CDC34: variants seen among roughly 807,000 people sequenced by gnomAD.
CDC34 encodes the protein ubiquitin-conjugating enzyme E2 R1.
A neutral mutation model predicts 26.8 loss-of-function variants in CDC34; 18 were observed. The observed-to-expected ratio is 0.67, with a 90% confidence interval of 0.47 to 1.00. The LOEUF is 1.00. Ranked by LOEUF, CDC34 falls within the 50% of genes least tolerant of loss-of-function variation. The pLI, the probability that CDC34 is intolerant of heterozygous loss-of-function variation, is 0.00. For synonymous variants in CDC34, 178 were observed against 147.5 expected (o/e 1.21, Z -1.50); for missense variants, 280 against 334.5 (o/e 0.84, Z 1.27).
rs892526789 is a variant in CDC34 at position 541,593 on chromosome 19, C to A, written c.*41C>A. The A allele has an allele frequency of 6.6e-7, 1 of 1,521,060 alleles. No homozygotes were observed. Among genetic ancestry groups the A allele is most frequent in the South Asian group, 1.3e-5 (1 of 77,084 alleles). 94.2% of individuals were successfully genotyped at this position (1,521,060 alleles called of 1,614,324 possible). ...CTTGCCGAGTTTACCTCACTAGGGC[C>A]GGACCCGTGGCTCCTTAGACGACAG... is the stretch of plus-strand genomic sequence containing the variant. On this transcript the variant is annotated 3_prime_UTR_variant, in exon 5 of 5. Transcript: ENST00000215574.
chr19:532,679 C>A (rs1194718209), intron 1 of CDC34, among the ~76,000 whole-genome samples: 1 of 152,254 alleles, frequency 6.6e-6, no homozygotes, highest in Non-Finnish European at 1.5e-5. Flanking sequence ...CAACAAAGGC[C>A]CGGATGAGCC....
chr19:540,086 AGGTTTAGAAT>A lies in CDC34; in HGVS notation c.498-1252_498-1243del, dbSNP rs1568332128. On this transcript the variant is annotated intron_variant, in intron 4 of 4. Transcript: ENST00000215574. Reference sequence around the variant, plus strand: ...GGAGGCCGGGGTGGCCAGGCCCCCCAGGTTTAGAATCCGGAGGCCGGGGTGGCCAGGCCCC... The same window carrying A: ...GGAGGCCGGGGTGGCCAGGCCCCCCACCGGAGGCCGGGGTGGCCAGGCCCC... 4.9e-3 allele frequency among the ~76,000 whole-genome samples: 384 copies of A among 78,732 alleles called. 1 individual carries two copies. The highest frequency in any genetic ancestry group is 0.012 in the South Asian group (17 of 1,398). 51.7% of individuals were successfully genotyped at this position (78,732 alleles called of 152,430 possible).
At position 541,399 on chromosome 19, in the gene CDC34, G is replaced by A. The variant is rs200901382; in HGVS notation, c.558G>A (p.Thr186=). ...GTGACGGCGTGAAGGTGCCCACCAC[G>A]CTGGCCGAGTACTGCGTGAAGACCA... ...AERDGVKVPT[T]LAEYCVKTKA... Residue 186 remains threonine (T), a synonymous_variant, in exon 5 of 5, where the codon ACG becomes ACA. Transcript: ENST00000215574. The A allele has an allele frequency of 1.6e-5, 25 of 1,611,238 alleles. No individual in the cohort carries two copies. The highest frequency in any genetic ancestry group is 8.9e-5 in the East Asian group (4 of 44,810).
chr19:532,122 C>T lies in CDC34; in HGVS notation c.177+14C>T, dbSNP rs764201386. On this transcript the variant is annotated intron_variant, in intron 1 of 4. Coordinates refer to ENST00000215574, the MANE Select transcript of CDC34 (RefSeq NM_004359.2). ...GGCTACTTCAAGGTGAGCGCGGCGA[C>T]CCCCGCCCGGGTCCCGGAGCCCACG... The T allele has an allele frequency of 7.4e-6, 11 of 1,485,628 alleles. No individual in the cohort carries two copies. The highest frequency in any genetic ancestry group is 6.9e-5 in the South Asian group (5 of 72,360). 92.0% of individuals were successfully genotyped at this position (1,485,628 alleles called of 1,614,324 possible).
chr19:538,508 C>G (rs1979864452), intron 4 of CDC34, among the ~76,000 whole-genome samples: 1 of 149,334 alleles, frequency 6.7e-6, no homozygotes, highest in Non-Finnish European at 1.5e-5. Flanking sequence ...TCCTGCTCTT[C>G]CTGTTACATA....
At chr19:539,365 C>T (rs1057435833) in intron 4 of CDC34, among the ~76,000 whole-genome samples, 1 of 151,414 alleles carries the variant, frequency 6.6e-6, no homozygotes, top group Non-Finnish European at 1.5e-5. Context: ...AGCCCGTCCA[C>T]CCTGGCCCTC....
At chr19:534,924 T>C (rs1979670580) in intron 1 of CDC34, among the ~76,000 whole-genome samples, 1 of 151,742 alleles carries the variant, frequency 6.6e-6, no homozygotes, top group Admixed American at 6.6e-5. Flanking sequence ...CTGTCCAGGC[T>C]TCCACCACGA....
chr19:541,090 G>A, intron 4 of CDC34: 1 of 465,804 alleles, frequency 2.1e-6, no homozygotes, highest in East Asian at 3.5e-5. Flanking sequence ...TCGGGGCGGG[G>A]CAGGCGGGTG....
At chr19:535,412 A>G (rs1187284494) in intron 1 of CDC34, among the ~76,000 whole-genome samples, 1 of 152,214 alleles carries the variant, frequency 6.6e-6, no homozygotes, top group Non-Finnish European at 1.5e-5. Context: ...AAGGCCCTGG[A>G]GGTGCAGCCC....
chr19:533,356 C>T (rs531327735), intron 1 of CDC34, among the ~76,000 whole-genome samples: 4 of 152,350 alleles, frequency 2.6e-5, no homozygotes, highest in South Asian at 4.1e-4. Context: ...CGATATGTGT[C>T]TGCTCTCCGA....
At chr19:536,534 A>G (rs1462224140) in intron 3 of CDC34, 194 bp downstream of exon 3, 1 of 597,052 alleles carries the variant, frequency 1.7e-6, no homozygotes, top group African/African-American at 1.9e-5. Context: ...GGCCTGCGGC[A>G]CCGTGTGTCG....
chr19:532,023 C>T lies in CDC34; in HGVS notation c.92C>T (p.Thr31Ile). Residue 31 changes from threonine (T) to isoleucine (I), a missense_variant, in exon 1 of 5, where the codon ACA becomes ATA. Physicochemically the swap from Thr to Ile is moderately conservative, Grantham distance 89. Transcript: ENST00000215574. ...QEEPVEGFRVTLVDEGDLYNW... is the reference protein window; with the variant it reads ...QEEPVEGFRVILVDEGDLYNW... ...GAGCCGGTCGAGGGATTCCGCGTGA[C>T]ACTGGTGGACGAGGGCGATCTATAC... The T allele has an allele frequency of 6.6e-7, 1 of 1,515,938 alleles. No individual in the cohort carries two copies. Among genetic ancestry groups the T allele is most frequent in the Non-Finnish European group, 8.8e-7 (1 of 1,140,944 alleles). The allele number at this position is 1,515,938 out of a possible 1,614,324, so 93.9% of individuals were successfully genotyped here.
chr19:538,535 ATT>A (rs34635182), intron 4 of CDC34: 4,387 of 167,888 alleles, frequency 0.026, 125 homozygotes, highest in African/African-American at 0.076. Context: ...CTTCCTATCC[ATT>A]TTTTTTTTTT....
At chr19:537,816 G>A (rs1242780546) in intron 4 of CDC34, among the ~76,000 whole-genome samples, 3 of 151,180 alleles carry the variant, frequency 2.0e-5, no homozygotes, top group South Asian at 2.1e-4. Flanking sequence ...CTACCACGCC[G>A]AGCTAATTTT....
At chr19:536,721 C>T (rs934513263) in intron 3 of CDC34, 13 of 539,356 alleles carry the variant, frequency 2.4e-5, no homozygotes, top group South Asian at 6.4e-5. Context: ...CCGTGTTGCC[C>T]GTGTGTCCTG....
intron 1 of CDC34, among the ~76,000 whole-genome samples, chr19:534,558 C>T (rs1383294373): frequency 7.5e-6 from 1 of 133,952 alleles, no homozygotes; most frequent in Non-Finnish European, 1.6e-5. Context: ...CGAGTACCCT[C>T]CCTGTCAAGG....
chr19:535,845 C>T lies in CDC34; in HGVS notation c.186C>T (p.Leu62=), dbSNP rs1979712399. The change falls in exon 2 of 5, where the codon CTC becomes CTT. Residue 62 remains leucine (L), a synonymous_variant. Coordinates refer to ENST00000215574, the MANE Select transcript of CDC34 (RefSeq NM_004359.2). ...YYEGGYFKAR[L]KFPIDYPYSP... ...GCCTTCTGCCCCTGCAGGCGCGCCT[C>T]AAGTTCCCCATCGACTACCCATACT... is the stretch of plus-strand genomic sequence containing the variant. 6.2e-7 allele frequency: 1 copy of T among 1,613,722 alleles called. No homozygotes were observed. Among genetic ancestry groups the T allele is most frequent in the Non-Finnish European group, 8.5e-7 (1 of 1,179,914 alleles).
At chr19:533,499 AAC>A (rs1329555120) in intron 1 of CDC34, among the ~76,000 whole-genome samples, 1 of 152,198 alleles carries the variant, frequency 6.6e-6, no homozygotes. Flanking sequence ...CCACACAGGG[AAC>A]AGAGTTTGGG....
chr19:536,175 C>T (rs767167735), intron 2 of CDC34, 68 bp from the exon 3 acceptor site: 16 of 1,305,984 alleles, frequency 1.2e-5, no homozygotes, highest in African/African-American at 2.9e-5. Flanking sequence ...CCTCATCCTC[C>T]GGGACCTGGG....
Sources: gnomAD v4.1 joint callset for allele counts (sites outside exome capture counted in the v4.1 genomes callset) on GRCh38, gnomAD v4.1.1 for gene constraint, MANE v1.5 for transcripts, NCBI Gene and HGNC (gene_info 2026-07-23, HGNC 2026-07-21) for gene names.